SORCS1: variants seen among roughly 807,000 people sequenced by gnomAD.
The protein encoded by SORCS1 is VPS10 domain-containing receptor SorCS1.
Under a neutral mutation model 146.1 loss-of-function variants are expected in SORCS1, and 60 were observed. That is an observed-to-expected ratio of 0.41 (90% CI 0.33 to 0.51). The LOEUF is 0.51. Ranked by LOEUF, SORCS1 falls within the 20% of genes least tolerant of loss-of-function variation. SORCS1 has a pLI of 0.21. For synonymous variants in SORCS1, 637 were observed against 584.0 expected, an observed-to-expected ratio of 1.09 and a Z score of -1.31; for missense variants, 1,352 against 1,487.6, an observed-to-expected ratio of 0.91 and a Z score of 1.50.
In SORCS1 at chr10:107,164,068, G is replaced by T; in HGVS notation, c.459C>A (p.Phe153Leu). Reference protein sequence around the residue: ...RERDPDKATRFRMEELRLTST... With the variant: ...RERDPDKATRLRMEELRLTST... Reference sequence around the variant, plus strand: ...TGGTCAGTCTCAGCTCCTCCATCCGGAAGCGGGTGGCTTTGTCCGGGTCCC... The same window carrying T: ...TGGTCAGTCTCAGCTCCTCCATCCGTAAGCGGGTGGCTTTGTCCGGGTCCC... The change falls in exon 1 of 26, where the codon TTC becomes TTA. Residue 153 changes from phenylalanine to leucine, a missense_variant. Transcript: ENST00000263054. The surrounding 1 kb of genome is among the most constrained non-coding windows in gnomAD (Gnocchi z 6.8). 1 of 1,613,990 alleles carries T rather than the reference G, an allele frequency of 6.2e-7. No homozygotes were observed. Among genetic ancestry groups the T allele is most frequent in the South Asian group, 1.1e-5 (1 of 91,080 alleles).
At chr10:106,673,071 C>T in intron 14 of SORCS1, 86 bp from the exon 15 acceptor site, 2 of 984,288 alleles carry the variant, frequency 2.0e-6, no homozygotes, top group Non-Finnish European at 3.1e-6. Context: ...GGGCGTTCAC[C>T]CTGAGCTAAG....
At chr10:106,976,396 A>T (rs1008285003) in intron 1 of SORCS1, among the ~76,000 whole-genome samples, 1 of 139,118 alleles carries the variant, frequency 7.2e-6, no homozygotes, top group African/African-American at 2.6e-5. Context: ...CAGCTGCGCG[A>T]TTTCGGCTCA....
At chr10:107,069,414 T>G (rs1489678919) in intron 1 of SORCS1, among the ~76,000 whole-genome samples, 1 of 152,164 alleles carries the variant, frequency 6.6e-6, no homozygotes, top group Non-Finnish European at 1.5e-5. Flanking sequence ...TCACTCTTGT[T>G]GCCCAGGCTG....
intron 1 of SORCS1, among the ~76,000 whole-genome samples, chr10:107,138,817 C>CA (rs1967557606): frequency 6.6e-6 from 1 of 152,178 alleles, no homozygotes; most frequent in Non-Finnish European, 1.5e-5. Context: ...AGTGCCTCTA[C>CA]GCGGTCCATA....
chr10:106,596,986 G>T (rs941011885), intron 24 of SORCS1, among the ~76,000 whole-genome samples: 1 of 151,992 alleles, frequency 6.6e-6, no homozygotes, highest in African/African-American at 2.4e-5. Context: ...CAAGTAGCTG[G>T]GACTACAGGC....
intron 1 of SORCS1, among the ~76,000 whole-genome samples, chr10:106,971,323 T>G (rs1955777134): frequency 6.6e-6 from 1 of 152,208 alleles, no homozygotes; most frequent in Non-Finnish European, 1.5e-5. Context: ...AATATCCTCT[T>G]GCTGACCTAA....
At chr10:106,716,629 C>G (rs1263955036) in intron 6 of SORCS1, among the ~76,000 whole-genome samples, 1 of 152,164 alleles carries the variant, frequency 6.6e-6, no homozygotes, top group African/African-American at 2.4e-5. Context: ...CTGGCTTGAA[C>G]AGCCTTTTCC....
At chr10:106,705,196 T>A (rs777981994) in intron 8 of SORCS1, among the ~76,000 whole-genome samples, 21 of 152,184 alleles carry the variant, frequency 1.4e-4, no homozygotes, top group Non-Finnish European at 2.9e-4. Flanking sequence ...ATTACCACAG[T>A]CATTAATCTC....
chr10:106,940,748 G>C (rs754697525), intron 2 of SORCS1, among the ~76,000 whole-genome samples: 1 of 152,182 alleles, frequency 6.6e-6, no homozygotes, highest in Non-Finnish European at 1.5e-5. Flanking sequence ...ACTGGGTATG[G>C]TGGCACATGG....
At chr10:106,790,126 C>G (rs957057116) in intron 3 of SORCS1, among the ~76,000 whole-genome samples, 1 of 152,076 alleles carries the variant, frequency 6.6e-6, no homozygotes, top group Non-Finnish European at 1.5e-5. Context: ...AAAGCCTAAC[C>G]ACATCATGGT....
At chr10:106,593,487 C>T (rs1378173986) in intron 24 of SORCS1, among the ~76,000 whole-genome samples, 1 of 152,134 alleles carries the variant, frequency 6.6e-6, no homozygotes, top group African/African-American at 2.4e-5. Context: ...TAGCCAAACT[C>T]AATATAGCAA....
chr10:106,775,992 C>T (rs986085076), intron 4 of SORCS1, among the ~76,000 whole-genome samples: 5 of 152,152 alleles, frequency 3.3e-5, no homozygotes, highest in Non-Finnish European at 4.4e-5. Context: ...TCCTTTCTTA[C>T]GAAGTGGACT....
chr10:106,747,114 C>T (rs1857800576), intron 5 of SORCS1, among the ~76,000 whole-genome samples: 1 of 152,138 alleles, frequency 6.6e-6, no homozygotes, highest in Admixed American at 6.5e-5. Flanking sequence ...CATGTAAAAC[C>T]CTTTACCATA....
At position 106,780,832 on chromosome 10, in the gene SORCS1, T is replaced by C. The variant is rs534001498; in HGVS notation, c.727-4140A>G. ...ATGAATTGTTTCCATAGAAAGTCAA[T>C]AATGGCAACACAGGATCCTACCACC... is the stretch of plus-strand genomic sequence containing the variant. On this transcript the variant is annotated intron_variant, in intron 3 of 25. Transcript: ENST00000263054. Among the ~76,000 whole-genome samples the C allele has an allele frequency of 6.2e-4, 95 of 152,284 alleles. 1 individual carries two copies. Among genetic ancestry groups the C allele is most frequent in the Non-Finnish European group, 4.4e-5 (3 of 68,032 alleles).
intron 10 of SORCS1, among the ~76,000 whole-genome samples, chr10:106,683,409 C>T (rs572362690): frequency 6.6e-6 from 1 of 152,232 alleles, no homozygotes; most frequent in South Asian, 2.1e-4. Flanking sequence ...TTTTAGGTTC[C>T]ACATAGAAGA....
At chr10:106,644,601 G>T (rs559037277) in intron 18 of SORCS1, among the ~76,000 whole-genome samples, 1 of 152,226 alleles carries the variant, frequency 6.6e-6, no homozygotes, top group Non-Finnish European at 1.5e-5. Context: ...TCCTGACCTT[G>T]TGTTCTGCCC....
At chr10:106,867,519 G>A (rs533826428) in intron 2 of SORCS1, among the ~76,000 whole-genome samples, 44 of 152,098 alleles carry the variant, frequency 2.9e-4, no homozygotes, top group South Asian at 1.5e-3. Flanking sequence ...TCCTGACCTC[G>A]TGATCCGCCC....
In SORCS1 at chr10:107,132,829, G is replaced by C. The variant is rs141260002; in HGVS notation, c.558+31140C>G. Reference sequence around the variant, plus strand: ...ACTCTATGTGTATAACCATATTTCTGCTATTACCCTTCTCATATATTTCAA... The same window carrying C: ...ACTCTATGTGTATAACCATATTTCTCCTATTACCCTTCTCATATATTTCAA... On this transcript the variant is annotated intron_variant, in intron 1 of 25. Coordinates refer to ENST00000263054, the MANE Select transcript of SORCS1 (RefSeq NM_052918.5). Among the ~76,000 whole-genome samples, 87 of 152,118 alleles carry C rather than the reference G, an allele frequency of 5.7e-4. 1 individual carries two copies. The East Asian group carries it at 0.016, about 28-fold the overall frequency.
At chr10:106,967,623 T>G (rs937314492) in intron 1 of SORCS1, among the ~76,000 whole-genome samples, 1 of 152,186 alleles carries the variant, frequency 6.6e-6, no homozygotes, top group Non-Finnish European at 1.5e-5. Context: ...CTTAGCATGG[T>G]TGTCTCCAGA....
Sources: allele counts gnomAD v4.1 joint callset (sites outside exome capture counted in the v4.1 genomes callset), GRCh38; gene constraint gnomAD v4.1.1; non-coding constraint Gnocchi (gnomAD v3.1); transcripts MANE v1.5; gene names NCBI Gene and HGNC (gene_info 2026-07-23, HGNC 2026-07-21).